Variants in KALRN observed in about 807,000 individuals in gnomAD.
KALRN encodes kalirin RhoGEF kinase.
KALRN carries 70 observed loss-of-function variants against 353.7 expected under a neutral mutation model. The observed-to-expected ratio is 0.20, with a 90% CI of 0.16 to 0.24. KALRN has a LOEUF of 0.24. Ranked by LOEUF, KALRN falls within the 10% of genes least tolerant of loss-of-function variation. The pLI, the probability that KALRN is intolerant of heterozygous loss-of-function variation, is 1.00. For missense variants in KALRN, 2,791 were observed against 3,756.7 expected (o/e 0.74, Z 6.72); for synonymous variants, 1,391 against 1,434.8 (o/e 0.97, Z 0.69).
intron 1 of KALRN, among the ~76,000 whole-genome samples, chr3:124,066,185 G>T (rs1425436149): frequency 6.6e-6 from 1 of 152,206 alleles, no homozygotes; most frequent in Non-Finnish European, 1.5e-5. Flanking sequence ...TCTGTGCTCA[G>T]AACTGAGAGT....
intron 6 of KALRN, among the ~76,000 whole-genome samples, chr3:124,322,632 C>T (rs2079456181): frequency 6.6e-6 from 1 of 152,180 alleles, no homozygotes; most frequent in Admixed American, 6.5e-5. Flanking sequence ...CATAAACAGT[C>T]ACCCAGAAGA....
chr3:124,673,103 G>A (rs370443753), intron 48 of KALRN, among the ~76,000 whole-genome samples: 4 of 152,180 alleles, frequency 2.6e-5, no homozygotes, highest in East Asian at 3.9e-4. Context: ...AAACATATCG[G>A]GCCAGATGCG....
In KALRN at chr3:124,714,468, C is replaced by T. The variant is rs147011179; in HGVS notation, c.8276+1333C>T. Among the ~76,000 whole-genome samples the T allele has an allele frequency of 1.6e-3, 251 of 152,324 alleles. 1 individual carries two copies. The highest frequency in any genetic ancestry group is 5.6e-3 in the African/African-American group (232 of 41,568). On this transcript the variant is annotated intron_variant, in intron 58 of 59. Transcript: ENST00000682506. ...TCTTGGAATGAGGAATCTGGGCTCA[C>T]GTCCCAGCTCTGTGATTTGAAGCAG...
chr3:124,438,360 T>C (rs2093551531), intron 17 of KALRN, among the ~76,000 whole-genome samples: 2 of 152,176 alleles, frequency 1.3e-5, no homozygotes, highest in Admixed American at 1.3e-4. Flanking sequence ...AGATGTCATG[T>C]CCTATGGTGG....
chr3:124,098,469 A>G (rs1409878254), intron 1 of KALRN, among the ~76,000 whole-genome samples: 2 of 152,250 alleles, frequency 1.3e-5, no homozygotes, highest in Non-Finnish European at 2.9e-5. Flanking sequence ...TCTTGGCCCC[A>G]GTATGTCTCC....
intron 2 of KALRN, among the ~76,000 whole-genome samples, chr3:124,230,662 G>A (rs923105372): frequency 9.9e-5 from 15 of 152,082 alleles, no homozygotes; most frequent in Admixed American, 2.6e-4. Flanking sequence ...TCCCCCATTT[G>A]CCAGCGTAAG....
At chr3:124,568,429 A>G (rs2713645) in intron 34 of KALRN, among the ~76,000 whole-genome samples, 103,222 of 152,080 alleles carry the variant, frequency 0.68, 36,340 homozygotes, top group East Asian at 0.87. Context: ...TACAGCTGCC[A>G]TGGAAAACAG....
chr3:124,279,716 G>C (rs984295239), intron 5 of KALRN, among the ~76,000 whole-genome samples: 17 of 152,238 alleles, frequency 1.1e-4, no homozygotes, highest in African/African-American at 4.1e-4. Context: ...CAATCACTGT[G>C]CCGAGTACTG....
intron 34 of KALRN, among the ~76,000 whole-genome samples, chr3:124,605,102 G>A (rs1000313292): frequency 8.6e-5 from 13 of 151,928 alleles, no homozygotes; most frequent in South Asian, 2.1e-4. Flanking sequence ...GGCGAAAGTT[G>A]AAGTGAGCTG....
rs148476909 is a variant in KALRN at position 124,696,231 on chromosome 3, A to G, written c.7675A>G (p.Thr2559Ala). 4.3e-5 allele frequency: 70 copies of G among 1,614,088 alleles called. No individual in the cohort carries two copies. The highest frequency in any genetic ancestry group is 1.2e-4 in the African/African-American group (9 of 75,072). The change falls in exon 54 of 60, where the codon ACG (threonine) becomes GCG (alanine). Residue 2559 changes from threonine (T) to alanine (A), a missense_variant. Thr to Ala is a moderately conservative substitution (Grantham distance 58). Around this residue, in one of 11 missense-constraint regions of KALRN, gnomAD observed 1,065 missense variants for 1,156.4 expected, o/e 0.92. Transcript: ENST00000682506. ...AACAAATGACCACGGGACCACATCA[A>G]CGTCTGCAACAGTCAAAGTGCAAGG... ...IATNDHGTTS[T>A]SATVKVQGVP...
At chr3:124,562,781 A>G in intron 33 of KALRN, 62 bp from the exon 34 acceptor site, 3 of 1,257,650 alleles carry the variant, frequency 2.4e-6, no homozygotes, top group East Asian at 1.1e-4. Flanking sequence ...ACCCTCTCCC[A>G]TATTTCTCCC....
chr3:124,377,001 T>A (rs2086680205), intron 10 of KALRN, among the ~76,000 whole-genome samples: 1 of 152,138 alleles, frequency 6.6e-6, no homozygotes, highest in Non-Finnish European at 1.5e-5. Context: ...TGAATGTAAT[T>A]CAAAGTAATA....
rs992258867 is a variant in KALRN, at chr3:124,674,257, C to G, written c.6943-107C>G. On this transcript the variant is annotated intron_variant, in intron 48 of 59. Coordinates refer to ENST00000682506, the MANE Select transcript of KALRN (RefSeq NM_001388419.1). Reference sequence around the variant, plus strand: ...AGAGAGAATGCTGCCTGCTGCCTACCCTGCTAGTGGGAGATTTGGCCTTGA... The same window carrying G: ...AGAGAGAATGCTGCCTGCTGCCTACGCTGCTAGTGGGAGATTTGGCCTTGA... 32 of 1,095,342 alleles carry G rather than the reference C, an allele frequency of 2.9e-5. No individual in the cohort carries two copies. In the African/African-American group the frequency reaches 4.4e-4, roughly 15 times the overall value. 67.9% of individuals were successfully genotyped at this position (1,095,342 alleles called of 1,614,324 possible). A position where few individuals can be genotyped will look rare whatever the true frequency, so the allele number is the denominator to read the frequency against.
chr3:124,566,610 C>T (rs7633543), intron 34 of KALRN, among the ~76,000 whole-genome samples: 43,117 of 152,072 alleles, frequency 0.28, 7,393 homozygotes, highest in East Asian at 0.48. Flanking sequence ...ATAGCCCAGC[C>T]TCAAAACCCT....
intron 33 of KALRN, among the ~76,000 whole-genome samples, chr3:124,548,590 A>G (rs1028078469): frequency 9.2e-5 from 14 of 152,224 alleles, no homozygotes; most frequent in African/African-American, 3.4e-4. Flanking sequence ...CAGTGGCTCA[A>G]TCACACCAAA....
At chr3:124,563,790 T>A (rs558186500) in intron 34 of KALRN, among the ~76,000 whole-genome samples, 1 of 151,988 alleles carries the variant, frequency 6.6e-6, no homozygotes, top group Admixed American at 6.6e-5. Flanking sequence ...TGGGAACCTG[T>A]TAGAAATGCA....
intron 33 of KALRN, among the ~76,000 whole-genome samples, chr3:124,546,162 G>T (rs747674092): frequency 1.3e-5 from 2 of 152,060 alleles, no homozygotes; most frequent in Non-Finnish European, 2.9e-5. Context: ...TTGTCAAAGT[G>T]CTTAGTGATT....
chr3:124,671,340 C>A (rs2086419161), intron 47 of KALRN, among the ~76,000 whole-genome samples: 1 of 152,188 alleles, frequency 6.6e-6, no homozygotes, highest in Non-Finnish European at 1.5e-5. Flanking sequence ...ACACGTCACA[C>A]TTGCTTCCTT....
At chr3:124,456,315 A>T (rs2059303956) in intron 22 of KALRN, among the ~76,000 whole-genome samples, 1 of 152,252 alleles carries the variant, frequency 6.6e-6, no homozygotes. Flanking sequence ...AGATTTAATT[A>T]GGACCAAAGG....
Sources: allele counts gnomAD v4.1 joint callset (sites outside exome capture counted in the v4.1 genomes callset), GRCh38; gene constraint gnomAD v4.1.1; regional missense constraint gnomAD v4.1.1; transcripts MANE v1.5; gene names NCBI Gene and HGNC (gene_info 2026-07-23, HGNC 2026-07-21).